The following NPM2 variants were observed in gnomAD, a reference collection of about 807,000 sequenced individuals.
The protein encoded by NPM2 is nucleophosmin/nucleoplasmin 2, also known as nucleoplasmin-2.
NPM2 carries 25 observed loss-of-function variants against 32.0 expected under a neutral mutation model. The ratio of observed to expected loss-of-function variants is 0.78; its 90% confidence interval spans 0.57 to 1.09. The LOEUF (loss-of-function observed/expected upper bound fraction) is 1.09, where lower values mean the gene tolerates loss of function less well. Ranked by LOEUF, NPM2 falls within the 50% of genes least tolerant of loss-of-function variation. The pLI, the probability that NPM2 is intolerant of heterozygous loss-of-function variation, is 0.00. For synonymous variants in NPM2, 111 were observed against 94.2 expected, an observed-to-expected ratio of 1.18 and a Z score of -1.04; for missense variants, 282 against 259.9, an observed-to-expected ratio of 1.08 and a Z score of -0.58.
intron 5 of NPM2, among the ~76,000 whole-genome samples, chr8:22,026,162 C>T (rs981744384): frequency 2.6e-5 from 4 of 152,040 alleles, no homozygotes; most frequent in African/African-American, 9.7e-5. Context: ...GTAAGCTGTG[C>T]GTGCGAGGGG....
chr8:22,031,251 T>G lies in NPM2; in HGVS notation c.271-1879T>G, dbSNP rs183408557. ...CTTCCTTTAATGGTGGCTAGGGTTT[T>G]GATTTTTGTTTTTCATTTTTGAGGA... On this transcript the variant is annotated intron_variant, in intron 5 of 9. Coordinates refer to ENST00000518119, the MANE Select transcript of NPM2 (RefSeq NM_001286680.2). Among the ~76,000 whole-genome samples the G allele has an allele frequency of 3.9e-5, 6 of 152,270 alleles. No individual in the cohort carries two copies. In the East Asian group the frequency reaches 1.2e-3, roughly 29 times the overall value.
intron 7 of NPM2, 23 bp from the exon 8 acceptor site, chr8:22,034,487 A>C (rs773839137): frequency 6.2e-7 from 1 of 1,606,174 alleles, no homozygotes; most frequent in Non-Finnish European, 8.5e-7. Flanking sequence ...AACTCTCATA[A>C]TACACTGTTT....
intron 5 of NPM2, among the ~76,000 whole-genome samples, chr8:22,031,615 T>C: frequency 6.6e-6 from 1 of 152,168 alleles, no homozygotes; most frequent in East Asian, 1.9e-4. Context: ...CTGGCTAATT[T>C]TTGTATTTTT....
intron 5 of NPM2, among the ~76,000 whole-genome samples, chr8:22,029,474 T>C (rs376937052): frequency 2.0e-5 from 3 of 152,300 alleles, no homozygotes; most frequent in African/African-American, 7.2e-5. Context: ...TCAATATTAT[T>C]ATCAAGTGTT....
rs1800203195 is a variant in NPM2, at chr8:22,025,322, G to C, written c.58+16G>C. On this transcript the variant is annotated intron_variant, in intron 3 of 9. Coordinates refer to ENST00000518119, the MANE Select transcript of NPM2 (RefSeq NM_001286680.2). ...GTGCTCTGGGGTGAGTGGGGACTCAGGCTCCTTCCCAGAGACACGCCCCAC... is the reference window on the plus strand; with the variant it reads ...GTGCTCTGGGGTGAGTGGGGACTCACGCTCCTTCCCAGAGACACGCCCCAC... The C allele has an allele frequency of 1.9e-5, 31 of 1,604,540 alleles. No homozygotes were observed. Among genetic ancestry groups the C allele is most frequent in the Non-Finnish European group, 2.6e-5 (30 of 1,175,788 alleles).
At position 22,024,421 on chromosome 8, in the gene NPM2, C is replaced by G. The variant is rs1800159435; in HGVS notation, c.-343C>G. 2.0e-5 allele frequency: 3 copies of G among 152,468 alleles called. No individual in the cohort carries two copies. In the South Asian group the frequency reaches 6.2e-4, roughly 32 times the overall value. The allele number at this position is 152,468 out of a possible 1,614,324, so 9.4% of individuals were successfully genotyped here. ...CCTAAGCTGAGCTGAGGCTTCCTCT[C>G]CATGGGCTGGGGAGGGGGCGCCAGG... On this transcript the variant is annotated 5_prime_UTR_variant, in exon 1 of 10. Coordinates refer to ENST00000518119, the MANE Select transcript of NPM2 (RefSeq NM_001286680.2).
At chr8:22,027,346 C>T (rs147505788) in intron 5 of NPM2, among the ~76,000 whole-genome samples, 113 of 152,230 alleles carry the variant, frequency 7.4e-4, no homozygotes, top group Non-Finnish European at 1.3e-3. Flanking sequence ...ACTTTGCAGG[C>T]GATCTCATCC....
intron 5 of NPM2, 146 bp downstream of exon 5, chr8:22,025,918 A>G: frequency 8.4e-7 from 1 of 1,196,440 alleles, no homozygotes; most frequent in African/African-American, 1.5e-5. Flanking sequence ...GCCGGGGTCC[A>G]GCCCAGCTCA....
intron 5 of NPM2, among the ~76,000 whole-genome samples, chr8:22,029,403 C>A (rs556330119): frequency 8.2e-4 from 125 of 152,314 alleles, no homozygotes; most frequent in African/African-American, 2.8e-3. Flanking sequence ...CTTGGCCTCC[C>A]AAAGTGCTGG....
intron 5 of NPM2, among the ~76,000 whole-genome samples, chr8:22,026,997 A>G (rs1442678053): frequency 5.9e-5 from 9 of 152,210 alleles, no homozygotes; most frequent in African/African-American, 2.2e-4. Context: ...TTTTCTATTC[A>G]TATGATTCTA....
At chr8:22,032,781 A>C (rs1315964904) in intron 5 of NPM2, among the ~76,000 whole-genome samples, 3 of 152,112 alleles carry the variant, frequency 2.0e-5, no homozygotes, top group African/African-American at 7.2e-5. Context: ...TCCTGCCCTC[A>C]TGACCCCAAA....
intron 5 of NPM2, among the ~76,000 whole-genome samples, chr8:22,028,341 ATTTTTTTTTTTTT>A (rs36012479): frequency 1.5e-5 from 1 of 65,570 alleles, no homozygotes; most frequent in African/African-American, 5.9e-5. Flanking sequence ...TGCCAAAAAG[ATTTTTTTTTTTTT>A]TTTTTTTTTT....
chr8:22,030,146 G>T (rs1800389675), intron 5 of NPM2, among the ~76,000 whole-genome samples: 1 of 152,072 alleles, frequency 6.6e-6, no homozygotes, highest in Non-Finnish European at 1.5e-5. Context: ...CTCCCTCTCT[G>T]CCTTATACTG....
At chr8:22,033,438 A>G (rs918981489) in intron 6 of NPM2, among the ~76,000 whole-genome samples, 5 of 152,140 alleles carry the variant, frequency 3.3e-5, no homozygotes, top group African/African-American at 1.2e-4. Context: ...GCAGCCCCTC[A>G]CTTGTAAACT....
At chr8:22,027,566 G>T (rs1313595108) in intron 5 of NPM2, among the ~76,000 whole-genome samples, 3 of 150,528 alleles carry the variant, frequency 2.0e-5, no homozygotes, top group Non-Finnish European at 4.4e-5. Flanking sequence ...TTTTCTCTCA[G>T]AAAACAGCTG....
chr8:22,028,014 C>A (rs372661905), intron 5 of NPM2, among the ~76,000 whole-genome samples: 12 of 152,326 alleles, frequency 7.9e-5, no homozygotes, highest in African/African-American at 2.2e-4. Flanking sequence ...CCTGCTACCC[C>A]TGGTACAGGT....
intron 5 of NPM2, among the ~76,000 whole-genome samples, chr8:22,031,431 G>T (rs1324428709): frequency 6.6e-6 from 1 of 152,132 alleles, no homozygotes; most frequent in Admixed American, 6.6e-5. Flanking sequence ...TCTCCTGACT[G>T]TGAAGATTTT....
At chr8:22,027,455 A>G (rs571233133) in intron 5 of NPM2, among the ~76,000 whole-genome samples, 20 of 152,280 alleles carry the variant, frequency 1.3e-4, no homozygotes, top group South Asian at 6.2e-4. Flanking sequence ...TATCCAACTA[A>G]ATGGCTTTGA....
intron 8 of NPM2, chr8:22,036,280 T>C (rs1267359173): frequency 1.9e-6 from 1 of 536,450 alleles, no homozygotes; most frequent in Admixed American, 3.5e-5. Context: ...ACATTTGTGA[T>C]AACTAAATGA....
Sources: gnomAD v4.1 joint callset for allele counts (sites outside exome capture counted in the v4.1 genomes callset) on GRCh38, gnomAD v4.1.1 for gene constraint, MANE v1.5 for transcripts, NCBI Gene and HGNC (gene_info 2026-07-23, HGNC 2026-07-21) for gene names.